The following DCAF8L2 variants were observed in gnomAD, a reference collection of about 807,000 sequenced individuals.
DCAF8L2 encodes DDB1- and CUL4-associated factor 8-like protein 2.
For missense variants in DCAF8L2, 430 were observed against 490.7 expected (o/e 0.88, Z 1.17); for synonymous variants, 200 against 190.9 (o/e 1.05, Z -0.39).
At chrX:27,604,616 AAC>A (rs1426698239) in intron 1 of DCAF8L2, among the ~76,000 whole-genome samples, 3 of 112,008 alleles carry the variant, frequency 2.7e-5, no homozygotes, top group Admixed American at 9.6e-5. Context: ...TAATTTGGAA[AAC>A]ACAAGAAAAA....
intron 2 of DCAF8L2, among the ~76,000 whole-genome samples, chrX:27,659,045 C>T (rs1220798029): frequency 1.8e-5 from 2 of 111,590 alleles, no homozygotes; most frequent in South Asian, 3.8e-4. Context: ...TGAATACCCC[C>T]AGTGGGAGTC....
chrX:27,685,384 G>A (rs1930465861), intron 3 of DCAF8L2, among the ~76,000 whole-genome samples: 1 of 111,472 alleles, frequency 9.0e-6, no homozygotes, highest in African/African-American at 3.3e-5. Context: ...TCTACCATAA[G>A]ACAATTTCAT....
At chrX:27,579,715 C>A in the DCAF8L2 span, among the ~76,000 whole-genome samples, 1 of 108,381 alleles carries the variant, frequency 9.2e-6, no homozygotes, top group African/African-American at 3.4e-5. Context: ...TTCAGACTTT[C>A]TATCTGTGAG....
At chrX:27,739,587 C>G (rs1451724536) in intron 4 of DCAF8L2, among the ~76,000 whole-genome samples, 1 of 111,780 alleles carries the variant, frequency 8.9e-6, no homozygotes, top group African/African-American at 3.3e-5. Flanking sequence ...TGGCTAATGA[C>G]TTCTAAATTT....
the DCAF8L2 span, among the ~76,000 whole-genome samples, chrX:27,530,676 A>G: frequency 2.7e-5 from 3 of 111,790 alleles, no homozygotes; most frequent in Middle Eastern, 4.7e-3. Flanking sequence ...CAGAACGTGG[A>G]TTGTGGTAGT....
chrX:27,605,698 A>G (rs1926835062), intron 1 of DCAF8L2, among the ~76,000 whole-genome samples: 1 of 111,882 alleles, frequency 8.9e-6, no homozygotes. Context: ...GCTTTTTACA[A>G]TGAAGACTTA....
At position 27,748,637 on chromosome X, in the gene DCAF8L2, G is replaced by A. The variant is rs1408623996; in HGVS notation, c.1742G>A (p.Trp581Ter). The A allele has an allele frequency of 1.7e-6, 2 of 1,198,661 alleles. No individual in the cohort carries two copies. The highest frequency in any genetic ancestry group is 2.3e-6 in the Non-Finnish European group (2 of 888,545). Reference protein sequence around the residue: ...HGSLFDQYMLWFLLRHVTQRG... With the variant: ...HGSLFDQYML ...AGCCTGTTTGACCAGTACATGCTTT[G>A]GTTCCTCCTGCGTCACGTGACGCAG... The change falls in exon 5 of 5, where the codon TGG becomes TAG. Residue 581 changes from tryptophan to a stop codon, truncating the protein, a stop_gained. Coordinates refer to ENST00000451261, the MANE Select transcript of DCAF8L2 (RefSeq NM_001353450.2). LOFTEE classifies it low-confidence loss of function (END_TRUNC).
At chrX:27,702,136 A>G in intron 3 of DCAF8L2, among the ~76,000 whole-genome samples, 1 of 111,069 alleles carries the variant, frequency 9.0e-6, no homozygotes, top group Non-Finnish European at 1.9e-5. Context: ...TCAATAAATG[A>G]CTGAAACTGA....
At chrX:27,529,835 A>G in the DCAF8L2 span, among the ~76,000 whole-genome samples, 4 of 112,098 alleles carry the variant, frequency 3.6e-5, no homozygotes, top group African/African-American at 1.3e-4. Flanking sequence ...CCCTTCAGCT[A>G]AACAAAATAT....
chrX:27,560,513 G>C, the DCAF8L2 span, among the ~76,000 whole-genome samples: 5 of 111,614 alleles, frequency 4.5e-5, no homozygotes, highest in Non-Finnish European at 9.4e-5. Flanking sequence ...TGAGCTGAGG[G>C]AGTGATACTG....
the DCAF8L2 span, among the ~76,000 whole-genome samples, chrX:27,513,577 C>T: frequency 2.8e-5 from 3 of 109,055 alleles, no homozygotes; most frequent in South Asian, 1.2e-3. Flanking sequence ...TGGTGGCGTG[C>T]GCCTGTAGTT....
At chrX:27,709,661 G>T (rs754988941) in intron 3 of DCAF8L2, among the ~76,000 whole-genome samples, 8 of 111,446 alleles carry the variant, frequency 7.2e-5, no homozygotes, top group Non-Finnish European at 1.3e-4. Flanking sequence ...CATCTACAAA[G>T]TCTCTTTTGC....
rs1402028606 is a variant in DCAF8L2, at chrX:27,607,361, A to C, written c.-342+16921A>C. Reference sequence around the variant, plus strand: ...CAAATGGTACCAGAAATAATGAAATATGACTTATTTTCAAGTAGCTATTTC... The same window carrying C: ...CAAATGGTACCAGAAATAATGAAATCTGACTTATTTTCAAGTAGCTATTTC... On this transcript the variant is annotated intron_variant, in intron 1 of 4. Transcript: ENST00000451261. Among the ~76,000 whole-genome samples the C allele has an allele frequency of 5.4e-5, 6 of 111,286 alleles. No individual in the cohort carries two copies. In the Admixed American group the frequency reaches 5.8e-4, roughly 11 times the overall value.
chrX:27,578,153 T>C, the DCAF8L2 span, among the ~76,000 whole-genome samples: 1 of 111,479 alleles, frequency 9.0e-6, no homozygotes, highest in African/African-American at 3.3e-5. Flanking sequence ...CTTCAAACTA[T>C]ACTGCAAGGT....
upstream of DCAF8L2, among the ~76,000 whole-genome samples, chrX:27,588,044 C>T (rs1227824630): frequency 9.9e-6 from 1 of 100,833 alleles, no homozygotes; most frequent in African/African-American, 3.8e-5. Context: ...AGATTCAGGG[C>T]GTCTATGTGC....
upstream of DCAF8L2, among the ~76,000 whole-genome samples, chrX:27,586,723 T>A (rs1925911064): frequency 9.0e-6 from 1 of 111,271 alleles, no homozygotes; most frequent in Admixed American, 9.6e-5. Flanking sequence ...CCTTTGCTCT[T>A]GGTGCTAAAA....
chrX:27,626,851 A>G (rs940333452), intron 1 of DCAF8L2, among the ~76,000 whole-genome samples: 2 of 111,631 alleles, frequency 1.8e-5, no homozygotes, highest in Non-Finnish European at 3.8e-5. Context: ...AATTAAGTCT[A>G]TATCTTAGTC....
chrX:27,653,761 C>CACA (rs1216615987), intron 2 of DCAF8L2, among the ~76,000 whole-genome samples: 6 of 107,202 alleles, frequency 5.6e-5, no homozygotes, highest in African/African-American at 2.0e-4. Context: ...CACACACACA[C>CACA]AACATATATT....
chrX:27,643,433 T>C (rs921833444), intron 2 of DCAF8L2, among the ~76,000 whole-genome samples: 4 of 111,794 alleles, frequency 3.6e-5, no homozygotes, highest in African/African-American at 9.7e-5. Flanking sequence ...TTTTGTACTC[T>C]TGTTTTGAGA....
Sources: allele counts gnomAD v4.1 joint callset (sites outside exome capture counted in the v4.1 genomes callset), GRCh38; gene constraint gnomAD v4.1.1; transcripts MANE v1.5; gene names NCBI Gene and HGNC (gene_info 2026-07-23, HGNC 2026-07-21).